Variants in TMEM178B observed in about 807,000 individuals in gnomAD.
The protein encoded by TMEM178B is transmembrane protein 178B.
Under a neutral mutation model 31.0 loss-of-function variants are expected in TMEM178B, and 5 were observed. That is an observed-to-expected ratio of 0.16 (90% CI 0.08 to 0.34). The LOEUF is 0.34. Among genes scored for constraint, TMEM178B ranks in the 10% least tolerant of loss-of-function variants. The pLI is 1.00. For missense variants in TMEM178B, 275 were observed against 400.3 expected, an observed-to-expected ratio of 0.69 and a Z score of 2.67; for synonymous variants, 164 against 164.0, an observed-to-expected ratio of 1.00 and a Z score of 0.00.
intron 1 of TMEM178B, among the ~76,000 whole-genome samples, chr7:141,083,707 T>C (rs1298265962): frequency 2.0e-5 from 3 of 152,176 alleles, no homozygotes; most frequent in Non-Finnish European, 2.9e-5. Context: ...AGAAAGGTGA[T>C]GACAGATGCA....
Position 141,473,547 on chromosome 7 carries a change from A to G in TMEM178B, c.*2761A>G, listed in dbSNP as rs1174427583. ...TTTCAATGAATAGATTATCTGCTCT[A>G]TCCAATTATTGTCTTTGTGACAGAC... On this transcript the variant is annotated 3_prime_UTR_variant, in exon 4 of 4. Transcript: ENST00000565468. The G allele has an allele frequency of 2.0e-5, 3 of 152,220 alleles. No individual in the cohort carries two copies. The highest frequency in any genetic ancestry group is 4.8e-5 in the African/African-American group (2 of 41,454). The allele number at this position is 152,220 out of a possible 1,614,324, so 9.4% of individuals were successfully genotyped here.
intron 2 of TMEM178B, among the ~76,000 whole-genome samples, chr7:141,251,502 T>G (rs1384941051): frequency 6.6e-6 from 1 of 152,046 alleles, no homozygotes; most frequent in Non-Finnish European, 1.5e-5. Context: ...ATACTGCAAT[T>G]AACATTTATT....
chr7:141,272,984 A>G (rs1347426167), intron 2 of TMEM178B, among the ~76,000 whole-genome samples: 1 of 152,232 alleles, frequency 6.6e-6, no homozygotes, highest in Non-Finnish European at 1.5e-5. Flanking sequence ...CCATCAATGC[A>G]TGAATAAAGA....
intron 1 of TMEM178B, among the ~76,000 whole-genome samples, chr7:141,190,809 C>G (rs992125325): frequency 3.9e-5 from 6 of 152,178 alleles, no homozygotes; most frequent in African/African-American, 1.4e-4. Context: ...CCCAAGTATC[C>G]TTCTGTAGAC....
Position 141,223,690 on chromosome 7 carries a change from G to C in TMEM178B, c.496+10986G>C, listed in dbSNP as rs1797292885. On this transcript the variant is annotated intron_variant, in intron 2 of 3. Coordinates refer to ENST00000565468, the MANE Select transcript of TMEM178B (RefSeq NM_001195278.2). ...GTACTTATCTTGTTTCACTCTCTAT[G>C]CATATCCATCTGAGGAGCCTTCTGG... Among the ~76,000 whole-genome samples the C allele has an allele frequency of 2.0e-5, 3 of 151,984 alleles. No homozygotes were observed. The South Asian group carries it at 6.2e-4, about 32-fold the overall frequency.
At chr7:141,299,842 G>T (rs1798694370) in intron 2 of TMEM178B, among the ~76,000 whole-genome samples, 1 of 152,140 alleles carries the variant, frequency 6.6e-6, no homozygotes, top group African/African-American at 2.4e-5. Flanking sequence ...TTATAGTGCA[G>T]TGGTGTGATC....
At chr7:141,082,180 A>T (rs1258557133) in intron 1 of TMEM178B, among the ~76,000 whole-genome samples, 2 of 152,200 alleles carry the variant, frequency 1.3e-5, no homozygotes, top group Non-Finnish European at 2.9e-5. Context: ...TTCTCAGAAC[A>T]TATCCCTGTT....
At chr7:141,364,659 C>CAAAAAAAA (rs980786132) in intron 2 of TMEM178B, among the ~76,000 whole-genome samples, 1 of 47,694 alleles carries the variant, frequency 2.1e-5, no homozygotes, top group Non-Finnish European at 4.1e-5. Flanking sequence ...GACTCTGTCT[C>CAAAAAAAA]AAAAAAAAAA....
chr7:141,491,254 A>G, the TMEM178B span, among the ~76,000 whole-genome samples: 1 of 152,128 alleles, frequency 6.6e-6, no homozygotes. Flanking sequence ...GCTGGACTCA[A>G]ACTCCTGGGC....
chr7:141,411,629 GTGTT>G (rs1586943207), intron 2 of TMEM178B, among the ~76,000 whole-genome samples: 6 of 152,272 alleles, frequency 3.9e-5, no homozygotes, highest in East Asian at 3.9e-4. Flanking sequence ...AAAAATCATC[GTGTT>G]TGTTTGGCGC....
At chr7:141,279,450 A>G (rs1366007500) in intron 2 of TMEM178B, among the ~76,000 whole-genome samples, 2 of 152,216 alleles carry the variant, frequency 1.3e-5, no homozygotes, top group African/African-American at 4.8e-5. Flanking sequence ...GGCCTGTGAA[A>G]TTTTAAATAT....
chr7:141,352,982 GT>G (rs1465116473), intron 2 of TMEM178B, among the ~76,000 whole-genome samples: 1 of 152,170 alleles, frequency 6.6e-6, no homozygotes, highest in Non-Finnish European at 1.5e-5. Context: ...ATTCACAGTT[GT>G]TTTCAAATTA....
rs1219384658 is a variant in TMEM178B at position 141,471,288 on chromosome 7, A to G, written c.*502A>G. ...CCTGTTCGGACTTCCTTCCCAGCCC[A>G]CCAGCAACACACAAGGAGTGGAAGA... is the stretch of plus-strand genomic sequence containing the variant. On this transcript the variant is annotated 3_prime_UTR_variant, in exon 4 of 4. Coordinates refer to ENST00000565468, the MANE Select transcript of TMEM178B (RefSeq NM_001195278.2). The surrounding 1 kb of genome is among the most constrained non-coding windows in gnomAD (Gnocchi z 4.1). 6.6e-6 allele frequency: 1 copy of G among 152,162 alleles called. No homozygotes were observed. The allele number at this position is 152,162 out of a possible 1,614,324, so 9.4% of individuals were successfully genotyped here.
chr7:141,094,093 AC>A (rs925053517), intron 1 of TMEM178B, among the ~76,000 whole-genome samples: 52 of 152,300 alleles, frequency 3.4e-4, no homozygotes, highest in African/African-American at 1.1e-3. Flanking sequence ...TAGGGACAAA[AC>A]TGATGGTGCA....
chr7:141,353,813 T>C (rs1282560418), intron 2 of TMEM178B, among the ~76,000 whole-genome samples: 2 of 152,222 alleles, frequency 1.3e-5, no homozygotes, highest in East Asian at 3.8e-4. Flanking sequence ...ATGAATTAAA[T>C]CAAACCAGAA....
chr7:141,341,676 G>A (rs1406118443), intron 2 of TMEM178B, among the ~76,000 whole-genome samples: 1 of 152,106 alleles, frequency 6.6e-6, no homozygotes, highest in African/African-American at 2.4e-5. Context: ...CTCCTGTCTA[G>A]CAATTTAGTG....
the TMEM178B span, among the ~76,000 whole-genome samples, chr7:141,507,900 A>G: frequency 2.0e-5 from 3 of 152,236 alleles, no homozygotes; most frequent in African/African-American, 4.8e-5. Context: ...CTCTGGGCCT[A>G]TGATGGGAAG....
intron 2 of TMEM178B, among the ~76,000 whole-genome samples, chr7:141,346,518 C>T (rs1799622742): frequency 6.6e-6 from 1 of 152,140 alleles, no homozygotes; most frequent in African/African-American, 2.4e-5. Context: ...TTTGTTAGGA[C>T]CTTATAAGTA....
At chr7:141,248,620 T>C (rs1797778657) in intron 2 of TMEM178B, among the ~76,000 whole-genome samples, 1 of 152,176 alleles carries the variant, frequency 6.6e-6, no homozygotes. Flanking sequence ...TTGTACACAA[T>C]GATAAGTATT....
Sources: gnomAD v4.1 joint callset for allele counts (sites outside exome capture counted in the v4.1 genomes callset) on GRCh38, gnomAD v4.1.1 for gene constraint, Gnocchi (gnomAD v3.1) non-coding constraint, MANE v1.5 for transcripts, NCBI Gene and HGNC (gene_info 2026-07-23, HGNC 2026-07-21) for gene names.